TMEM135: variants seen among roughly 807,000 people sequenced by gnomAD.
TMEM135 encodes the protein transmembrane protein 135, also known as peroxisomal membrane protein 52.
A neutral mutation model predicts 60.3 loss-of-function variants in TMEM135; 30 were observed. The observed-to-expected ratio is 0.50, with a 90% CI of 0.37 to 0.68. The LOEUF is 0.68. Ranked by LOEUF, TMEM135 falls within the 30% of genes least tolerant of loss-of-function variation. The pLI is 0.00. For synonymous variants in TMEM135, 190 were observed against 186.7 expected (o/e 1.02, Z -0.14); for missense variants, 468 against 548.8 (o/e 0.85, Z 1.47).
chr11:87,085,285 G>A (rs553047050), intron 3 of TMEM135, among the ~76,000 whole-genome samples: 2 of 152,306 alleles, frequency 1.3e-5, no homozygotes, highest in East Asian at 3.9e-4. Flanking sequence ...AAGCTGTTAA[G>A]GAGGTGATTT....
At chr11:87,040,545 C>G (rs879566283) in intron 1 of TMEM135, among the ~76,000 whole-genome samples, 5 of 151,996 alleles carry the variant, frequency 3.3e-5, no homozygotes, top group East Asian at 1.9e-4. Flanking sequence ...GCCTGTAATC[C>G]CAGCTACTCG....
intron 4 of TMEM135, among the ~76,000 whole-genome samples, chr11:87,146,911 A>G (rs1051848250): frequency 1.1e-4 from 17 of 152,078 alleles, no homozygotes; most frequent in African/African-American, 3.6e-4. Context: ...AATAGGAAAT[A>G]AATATCTGCT....
At chr11:87,238,072 G>C (rs922587581) in intron 6 of TMEM135, among the ~76,000 whole-genome samples, 1 of 151,780 alleles carries the variant, frequency 6.6e-6, no homozygotes, top group African/African-American at 2.4e-5. Context: ...TCTGTCAGTG[G>C]ACACTTAGCC....
At chr11:87,276,285 C>A (rs1477964229) in intron 6 of TMEM135, among the ~76,000 whole-genome samples, 3 of 152,000 alleles carry the variant, frequency 2.0e-5, no homozygotes, top group Non-Finnish European at 4.4e-5. Context: ...GTTTTCATAA[C>A]AGTCTTATAT....
intron 1 of TMEM135, among the ~76,000 whole-genome samples, chr11:87,064,714 C>T (rs756561060): frequency 1.8e-4 from 27 of 152,128 alleles, no homozygotes; most frequent in Non-Finnish European, 2.4e-4. Context: ...GAAGCCCCAT[C>T]TTTACTAAAA....
rs377228818 is a variant in TMEM135 at position 87,053,811 on chromosome 11, G to A, written c.142-13883G>A. Among the ~76,000 whole-genome samples, 8 of 152,118 alleles carry A rather than the reference G, an allele frequency of 5.3e-5. No homozygotes were observed. In the South Asian group the frequency reaches 8.3e-4, roughly 16 times the overall value. ...GACTTAATTTGAATCTCTGTTGACC[G>A]CAGGTTAAACTTTTAAATTGCCTTT... On this transcript the variant is annotated intron_variant, in intron 1 of 14. Coordinates refer to ENST00000305494, the MANE Select transcript of TMEM135 (RefSeq NM_022918.4).
At chr11:87,038,522 C>T (rs1949723321) in intron 1 of TMEM135, among the ~76,000 whole-genome samples, 1 of 151,344 alleles carries the variant, frequency 6.6e-6, no homozygotes, top group South Asian at 2.1e-4. Context: ...TCTGGCCTGC[C>T]TTGTGATGGA....
chr11:87,198,651 C>T (rs1221326153), intron 5 of TMEM135, among the ~76,000 whole-genome samples: 1 of 148,572 alleles, frequency 6.7e-6, no homozygotes, highest in Non-Finnish European at 1.5e-5. Flanking sequence ...CTTCTCTTTT[C>T]CCTGTTTCCT....
At chr11:87,109,726 C>T (rs1025675373) in intron 4 of TMEM135, among the ~76,000 whole-genome samples, 9 of 152,086 alleles carry the variant, frequency 5.9e-5, no homozygotes, top group Non-Finnish European at 1.3e-4. Context: ...TTTGCAGCAT[C>T]AAAAACCCTT....
At chr11:87,217,448 A>G (rs1269307131) in intron 5 of TMEM135, among the ~76,000 whole-genome samples, 3 of 152,178 alleles carry the variant, frequency 2.0e-5, no homozygotes, top group African/African-American at 7.2e-5. Context: ...TCAGTACAAT[A>G]ATGAGAACTG....
intron 6 of TMEM135, among the ~76,000 whole-genome samples, chr11:87,249,256 G>A (rs1591138512): frequency 1.3e-5 from 2 of 152,108 alleles, no homozygotes; most frequent in Non-Finnish European, 2.9e-5. Flanking sequence ...TTATGTGGAA[G>A]TATATTCCTT....
At chr11:87,075,946 GCATCCCTGTGGCTAC>G (rs1856862359) in intron 3 of TMEM135, among the ~76,000 whole-genome samples, 1 of 152,110 alleles carries the variant, frequency 6.6e-6, no homozygotes, top group Non-Finnish European at 1.5e-5. Context: ...GGTGACACAA[GCATCCCTGTGGCTAC>G]CATCCCTGGG....
intron 1 of TMEM135, among the ~76,000 whole-genome samples, chr11:87,064,862 G>C (rs1027910431): frequency 6.6e-6 from 1 of 152,112 alleles, no homozygotes; most frequent in African/African-American, 2.4e-5. Context: ...TCCAGCCTGG[G>C]CAACAGAGCG....
At chr11:87,143,468 A>T (rs1419996434) in intron 4 of TMEM135, among the ~76,000 whole-genome samples, 1 of 150,826 alleles carries the variant, frequency 6.6e-6, no homozygotes, top group Non-Finnish European at 1.5e-5. Flanking sequence ...TTTATTCTAT[A>T]TATTTCCAAT....
chr11:87,272,051 CTTTTTTTTTT>C (rs773654603), intron 6 of TMEM135, among the ~76,000 whole-genome samples: 1 of 81,136 alleles, frequency 1.2e-5, no homozygotes, highest in Non-Finnish European at 2.9e-5. Context: ...TTTTTCTTTT[CTTTTTTTTTT>C]TTTTTTTTTT....
chr11:87,093,077 T>G (rs1157191607), intron 4 of TMEM135, among the ~76,000 whole-genome samples: 1 of 152,194 alleles, frequency 6.6e-6, no homozygotes, highest in Non-Finnish European at 1.5e-5. Context: ...GAGATACATG[T>G]TAAACATTGT....
At chr11:87,121,113 G>C (rs1376690066) in intron 4 of TMEM135, 1 of 152,050 alleles carries the variant, frequency 6.6e-6, no homozygotes, top group Non-Finnish European at 1.5e-5. Context: ...TTTCTGTGGA[G>C]TCTGCATTCT....
At chr11:87,262,161 A>G (rs561355908) in intron 6 of TMEM135, among the ~76,000 whole-genome samples, 8 of 151,980 alleles carry the variant, frequency 5.3e-5, no homozygotes, top group African/African-American at 1.9e-4. Context: ...TGCAAACTGT[A>G]CAACCATGAA....
chr11:87,219,098 T>A (rs971396416), intron 5 of TMEM135, among the ~76,000 whole-genome samples: 4 of 152,196 alleles, frequency 2.6e-5, no homozygotes, highest in Non-Finnish European at 4.4e-5. Flanking sequence ...TTAGAAATAT[T>A]TACATGCATT....
Sources: allele counts gnomAD v4.1 joint callset (sites outside exome capture counted in the v4.1 genomes callset), GRCh38; gene constraint gnomAD v4.1.1; transcripts MANE v1.5; gene names NCBI Gene and HGNC (gene_info 2026-07-23, HGNC 2026-07-21).